The following DSCAM variants were observed in gnomAD, a reference collection of about 807,000 sequenced individuals.
The protein encoded by DSCAM is cell adhesion molecule DSCAM.
A neutral mutation model predicts 217.7 loss-of-function variants in DSCAM; 47 were observed. That is an observed-to-expected ratio of 0.22 (90% CI 0.17 to 0.28). The LOEUF (loss-of-function observed/expected upper bound fraction) is 0.28, where lower values mean the gene tolerates loss of function less well. Among genes scored for constraint, DSCAM ranks in the 10% least tolerant of loss-of-function variants. The probability of loss-of-function intolerance (pLI) is 1.00; values close to 1 mark genes in which losing one functional copy is unlikely to be tolerated. For synonymous variants in DSCAM, 1,056 were observed against 1,015.3 expected (o/e 1.04, Z -0.76); for missense variants, 2,080 against 2,618.3 (o/e 0.79, Z 4.49).
intron 3 of DSCAM, among the ~76,000 whole-genome samples, chr21:40,598,143 C>T (rs2077035515): frequency 6.6e-6 from 1 of 152,220 alleles, no homozygotes; most frequent in South Asian, 2.1e-4. Context: ...CAGTCACTGA[C>T]ATTTTTATTG....
chr21:40,144,103 AAAT>A lies in DSCAM; in HGVS notation c.3259+385_3259+387del, dbSNP rs1357419878. Among the ~76,000 whole-genome samples the A allele has an allele frequency of 3.4e-5, 4 of 116,956 alleles. No individual in the cohort carries two copies. Among genetic ancestry groups the A allele is most frequent in the Non-Finnish European group, 8.6e-5 (4 of 46,528 alleles). 76.7% of individuals were successfully genotyped at this position (116,956 alleles called of 152,430 possible). A position where few individuals can be genotyped will look rare whatever the true frequency, so the allele number is the denominator to read the frequency against. On this transcript the variant is annotated intron_variant, in intron 17 of 32. Transcript: ENST00000400454. This position sits in a 1 kb window ranked among gnomAD's most constrained non-coding sequence, Gnocchi z 4.8. ...ATGCTTGAAAATAGGAAACAATGAA[AAAT>A]AAAATAAATTTTAAAAAACCTTCTT... is the stretch of plus-strand genomic sequence containing the variant.
chr21:40,355,267 AT>A (rs1472555215), intron 4 of DSCAM, among the ~76,000 whole-genome samples: 3 of 152,212 alleles, frequency 2.0e-5, no homozygotes, highest in Admixed American at 6.5e-5. Context: ...AGAAGATGGT[AT>A]TTGAGATAAG....
intron 3 of DSCAM, among the ~76,000 whole-genome samples, chr21:40,578,642 A>G (rs529183580): frequency 4.2e-4 from 64 of 152,292 alleles, no homozygotes; most frequent in African/African-American, 1.5e-3. Context: ...TGCTCTTCAC[A>G]ATAAATCTTG....
intron 9 of DSCAM, among the ~76,000 whole-genome samples, chr21:40,308,352 C>T (rs976767992): frequency 2.1e-4 from 32 of 152,160 alleles, no homozygotes; most frequent in Admixed American, 1.5e-3. Context: ...ATTAGTCCTA[C>T]TCCTAGGGTG....
chr21:40,617,918 C>T (rs752522481), intron 3 of DSCAM, among the ~76,000 whole-genome samples: 2 of 152,212 alleles, frequency 1.3e-5, no homozygotes, highest in Admixed American at 6.5e-5. Context: ...GGTGTTCCAA[C>T]GCGAAGCAGG....
At chr21:40,628,734 TATCTATCTATCTATC>T (rs748209223) in intron 3 of DSCAM, among the ~76,000 whole-genome samples, 3,843 of 116,330 alleles carry the variant, frequency 0.033, 81 homozygotes, top group South Asian at 0.1. Flanking sequence ...TCTATCTATC[TATCTATCTATCTATC>T]TTTTCTTGTG....
chr21:40,536,458 G>A (rs146832315), intron 3 of DSCAM, among the ~76,000 whole-genome samples: 18,787 of 146,338 alleles, frequency 0.13, 2,322 homozygotes, highest in African/African-American at 0.32. Context: ...CTGGAGTGCA[G>A]TGGCGCCATC....
At chr21:40,838,127 A>T (rs1338700599) in intron 1 of DSCAM, among the ~76,000 whole-genome samples, 21 of 152,134 alleles carry the variant, frequency 1.4e-4, no homozygotes, top group Admixed American at 1.4e-3. Flanking sequence ...TTAAAAAAAT[A>T]AATTAAATTA....
intron 1 of DSCAM, among the ~76,000 whole-genome samples, chr21:40,808,374 G>T (rs2091806963): frequency 6.6e-6 from 1 of 152,104 alleles, no homozygotes; most frequent in Non-Finnish European, 1.5e-5. Context: ...AGTGATAAAA[G>T]TGCAGCTAGA....
chr21:40,059,580 T>A (rs1245102907), intron 28 of DSCAM, among the ~76,000 whole-genome samples: 1 of 152,146 alleles, frequency 6.6e-6, no homozygotes, highest in African/African-American at 2.4e-5. Flanking sequence ...CCTCAGCTAA[T>A]CTCCCTGAAA....
intron 21 of DSCAM, among the ~76,000 whole-genome samples, chr21:40,090,418 A>T (rs1271570565): frequency 2.0e-5 from 3 of 151,776 alleles, no homozygotes; most frequent in Admixed American, 1.3e-4. Context: ...TTCTCACCTG[A>T]CTCAGGCTCA....
At chr21:40,648,770 A>T (rs2898419) in intron 3 of DSCAM, among the ~76,000 whole-genome samples, 23 of 151,934 alleles carry the variant, frequency 1.5e-4, no homozygotes, top group Non-Finnish European at 2.9e-4. Context: ...TAAACAACCC[A>T]ACTGAGGGGT....
chr21:40,713,323 T>C (rs2090803616), intron 1 of DSCAM, among the ~76,000 whole-genome samples: 1 of 152,200 alleles, frequency 6.6e-6, no homozygotes, highest in South Asian at 2.1e-4. Flanking sequence ...ATAAACACAG[T>C]GGTCAATGAC....
At chr21:40,093,689 C>T in intron 21 of DSCAM, 32 bp downstream of exon 21, 1 of 1,612,338 alleles carries the variant, frequency 6.2e-7, no homozygotes, top group Non-Finnish European at 8.5e-7. Context: ...CAAGTTACAA[C>T]AGGAAATGAG....
At chr21:40,159,829 C>T (rs190123546) in intron 16 of DSCAM, among the ~76,000 whole-genome samples, 112 of 152,322 alleles carry the variant, frequency 7.4e-4, no homozygotes, top group Admixed American at 2.5e-3. Flanking sequence ...GTGATCTGCC[C>T]GCCTTGGCTT....
Position 40,087,231 on chromosome 21 carries a change from T to C in DSCAM, c.3907A>G (p.Ile1303Val), listed in dbSNP as rs2089544784. The change falls in exon 22 of 33, where the codon ATT becomes GTT. Residue 1303 changes from isoleucine (I) to valine (V), a missense_variant. Coordinates refer to ENST00000400454, the MANE Select transcript of DSCAM (RefSeq NM_001389.5). The part of the protein sequence containing the change: ...GTVTTPWMKD[I>V]VLPCKAVGDP... ...CCAACAGCCTTACAAGGCAAGACAA[T>C]GTCTTTCATCCATGGAGTAGTCACT... The C allele has an allele frequency of 6.2e-7, 1 of 1,614,150 alleles. No homozygotes were observed. Among genetic ancestry groups the C allele is most frequent in the South Asian group, 1.1e-5 (1 of 91,086 alleles).
At chr21:40,597,419 T>C (rs2077029060) in intron 3 of DSCAM, among the ~76,000 whole-genome samples, 1 of 148,844 alleles carries the variant, frequency 6.7e-6, no homozygotes, top group Non-Finnish European at 1.5e-5. Context: ...AGTTTTAGGA[T>C]AAAAAGGTTC....
At chr21:40,772,405 G>A (rs1300370461) in intron 1 of DSCAM, among the ~76,000 whole-genome samples, 2 of 152,176 alleles carry the variant, frequency 1.3e-5, no homozygotes, top group South Asian at 2.1e-4. Flanking sequence ...CCGACCTCAG[G>A]TGATCCACTC....
chr21:40,550,895 G>A (rs977291168), intron 3 of DSCAM, among the ~76,000 whole-genome samples: 2 of 152,198 alleles, frequency 1.3e-5, no homozygotes, highest in Admixed American at 6.5e-5. Flanking sequence ...AGCTCAGTTT[G>A]AATAGTTGGA....
Sources: allele counts gnomAD v4.1 joint callset (sites outside exome capture counted in the v4.1 genomes callset), GRCh38; gene constraint gnomAD v4.1.1; non-coding constraint Gnocchi (gnomAD v3.1); transcripts MANE v1.5; gene names NCBI Gene and HGNC (gene_info 2026-07-23, HGNC 2026-07-21).